NKAIN3: variants seen among roughly 807,000 people sequenced by gnomAD.
NKAIN3 encodes sodium/potassium transporting ATPase interacting 3, also known as sodium/potassium-transporting ATPase subunit beta-1-interacting protein 3.
In NKAIN3, 25 loss-of-function variants were observed where a neutral mutation model predicts 30.2. That is an observed-to-expected ratio of 0.83 (90% CI 0.60 to 1.16). NKAIN3 has a LOEUF of 1.16. NKAIN3 is among the 50% of genes most tolerant of loss of function. The probability of loss-of-function intolerance (pLI) is 0.00; values close to 1 mark genes in which losing one functional copy is unlikely to be tolerated. For missense variants in NKAIN3, 225 were observed against 254.1 expected (o/e 0.89, Z 0.78); for synonymous variants, 91 against 89.6 (o/e 1.02, Z -0.09).
rs186097874 is a variant in NKAIN3, at chr8:62,634,079, T to C, written c.273+44285T>C. On this transcript the variant is annotated intron_variant, in intron 3 of 6. Transcript: ENST00000623646. ...AATTGAAACCAGCCCAATTGTCTCA[T>C]AGAACATATATTTATGGTTTCTGTT... 2.3e-4 allele frequency among the ~76,000 whole-genome samples: 35 copies of C among 152,206 alleles called. 1 individual carries two copies. The highest frequency in any genetic ancestry group is 2.2e-3 in the Admixed American group (33 of 15,274).
At chr8:62,745,567 G>A (rs900212255) in intron 3 of NKAIN3, among the ~76,000 whole-genome samples, 1 of 152,132 alleles carries the variant, frequency 6.6e-6, no homozygotes, top group East Asian at 1.9e-4. Flanking sequence ...TCCCTAATCT[G>A]TTCTTTTCAA....
intron 1 of NKAIN3, among the ~76,000 whole-genome samples, chr8:62,391,398 C>T (rs186489171): frequency 7.0e-4 from 106 of 152,080 alleles, no homozygotes; most frequent in African/African-American, 2.3e-3. Flanking sequence ...AAGATCCAAT[C>T]CCAGCTGTGA....
chr8:62,471,202 G>A (rs1167016412), intron 1 of NKAIN3, among the ~76,000 whole-genome samples: 1 of 151,996 alleles, frequency 6.6e-6, no homozygotes, highest in African/African-American at 2.4e-5. Context: ...AAACATGCAT[G>A]AAAATGATCC....
intron 5 of NKAIN3, among the ~76,000 whole-genome samples, chr8:62,996,362 C>T (rs927774900): frequency 3.3e-5 from 5 of 151,070 alleles, no homozygotes; most frequent in Admixed American, 6.6e-5. Context: ...AACAGCATGG[C>T]GAAACCACCT....
chr8:62,415,163 T>TAATATGTATATATATATAA (rs1804397673), intron 1 of NKAIN3, among the ~76,000 whole-genome samples: 5 of 141,712 alleles, frequency 3.5e-5, no homozygotes, highest in Non-Finnish European at 7.6e-5. Flanking sequence ...CTATAGTATA[T>TAATATGTATATATATATAA]TATATAATAT....
chr8:62,887,251 G>T (rs1254056037), intron 4 of NKAIN3, among the ~76,000 whole-genome samples: 2 of 151,198 alleles, frequency 1.3e-5, no homozygotes, highest in African/African-American at 4.9e-5. Context: ...TCTGCCTCTG[G>T]TTTTTTTCAG....
chr8:62,510,856 C>T (rs1807794127), intron 1 of NKAIN3, among the ~76,000 whole-genome samples: 1 of 151,896 alleles, frequency 6.6e-6, no homozygotes, highest in East Asian at 1.9e-4. Context: ...TGTTGACTCA[C>T]CTTCCCCCTC....
chr8:62,474,054 C>G (rs4738977), intron 1 of NKAIN3: 25,708 of 152,050 alleles, frequency 0.17, 2,268 homozygotes, highest in Middle Eastern at 0.19. Flanking sequence ...TTACTTGTCA[C>G]CTGGCATTTC....
chr8:62,527,916 T>TGTGTGTGTGTGTGA (rs1430253083), intron 1 of NKAIN3, among the ~76,000 whole-genome samples: 1 of 145,642 alleles, frequency 6.9e-6, no homozygotes, highest in South Asian at 2.1e-4. Flanking sequence ...TGTGTGTGTG[T>TGTGTGTGTGTGTGA]GACAGAGAGA....
intron 3 of NKAIN3, among the ~76,000 whole-genome samples, chr8:62,599,779 A>G (rs1810938322): frequency 6.6e-6 from 1 of 152,050 alleles, no homozygotes; most frequent in South Asian, 2.1e-4. Context: ...GCTTTTTGAC[A>G]TACATCTGCA....
chr8:62,944,838 T>C (rs1823076474), intron 5 of NKAIN3, among the ~76,000 whole-genome samples: 1 of 152,218 alleles, frequency 6.6e-6, no homozygotes, highest in South Asian at 2.1e-4. Flanking sequence ...TTTGTTTCAA[T>C]CAGTTCATGT....
chr8:62,555,903 G>A (rs577058978), intron 1 of NKAIN3, among the ~76,000 whole-genome samples: 1 of 151,976 alleles, frequency 6.6e-6, no homozygotes, highest in South Asian at 2.1e-4. Context: ...TGAGAATCAA[G>A]CACATTTTTA....
chr8:62,494,929 A>G (rs1807187439), intron 1 of NKAIN3, among the ~76,000 whole-genome samples: 1 of 152,034 alleles, frequency 6.6e-6, no homozygotes, highest in Non-Finnish European at 1.5e-5. Context: ...CTAGCACCCT[A>G]TCAATCTTAT....
rs148389592 is a variant in NKAIN3, at chr8:62,278,072, C to A, written c.54+28945C>A. 2.3e-3 allele frequency among the ~76,000 whole-genome samples: 345 copies of A among 152,192 alleles called. 1 individual carries two copies. The highest frequency in any genetic ancestry group is 8.1e-3 in the African/African-American group (336 of 41,532). On this transcript the variant is annotated intron_variant, in intron 1 of 6. Transcript: ENST00000623646. ...GAAAGCTACATAGAGAGGAACAAGG[C>A]GTTGATGTGGTTCTGTCTCAAGACA...
intron 1 of NKAIN3, among the ~76,000 whole-genome samples, chr8:62,575,777 A>C (rs1045632758): frequency 6.6e-6 from 1 of 152,160 alleles, no homozygotes; most frequent in Non-Finnish European, 1.5e-5. Context: ...ACATAGATTA[A>C]TGGAACAGCA....
intron 4 of NKAIN3, among the ~76,000 whole-genome samples, chr8:62,786,716 C>T (rs1817531198): frequency 6.6e-6 from 1 of 152,060 alleles, no homozygotes; most frequent in Admixed American, 6.6e-5. Context: ...ATATTTATTG[C>T]TGAACTAAAA....
chr8:62,580,770 C>A (rs771886450), intron 2 of NKAIN3, among the ~76,000 whole-genome samples: 1 of 151,982 alleles, frequency 6.6e-6, no homozygotes. Context: ...CAGGGTTAAA[C>A]AATTTCTGCT....
At chr8:62,651,209 A>T (rs1043809798) in intron 3 of NKAIN3, among the ~76,000 whole-genome samples, 1 of 152,020 alleles carries the variant, frequency 6.6e-6, no homozygotes, top group African/African-American at 2.4e-5. Flanking sequence ...AACAATGCTG[A>T]TACATTTTCA....
At chr8:62,800,655 A>G (rs1415759742) in intron 4 of NKAIN3, among the ~76,000 whole-genome samples, 4 of 152,208 alleles carry the variant, frequency 2.6e-5, no homozygotes, top group Non-Finnish European at 5.9e-5. Flanking sequence ...CCAAATAGGA[A>G]GAGCTCCGGT....
Sources: gnomAD v4.1 joint callset for allele counts (sites outside exome capture counted in the v4.1 genomes callset) on GRCh38, gnomAD v4.1.1 for gene constraint, MANE v1.5 for transcripts, NCBI Gene and HGNC (gene_info 2026-07-23, HGNC 2026-07-21) for gene names.